Variants in APBB2 observed in about 807,000 individuals in gnomAD.
The protein encoded by APBB2 is amyloid beta precursor protein binding family B member 2.
APBB2 carries 38 observed loss-of-function variants against 82.5 expected under a neutral mutation model. That is an observed-to-expected ratio of 0.46 (90% CI 0.36 to 0.60). APBB2 has a LOEUF of 0.60. APBB2 is among the 20% of genes least tolerant of loss of function. The probability of loss-of-function intolerance (pLI) is 0.00; values close to 1 mark genes in which losing one functional copy is unlikely to be tolerated. For missense variants in APBB2, 772 were observed against 972.3 expected (o/e 0.79, Z 2.74); for synonymous variants, 341 against 368.2 (o/e 0.93, Z 0.85).
At chr4:40,827,067 G>A in intron 14 of APBB2, 65 bp downstream of exon 14, 1 of 1,434,170 alleles carries the variant, frequency 7.0e-7, no homozygotes, top group Non-Finnish European at 9.8e-7. Flanking sequence ...AACCATCTGA[G>A]AGCCTTCAGT....
intron 7 of APBB2, among the ~76,000 whole-genome samples, chr4:40,941,220 C>A (rs1460152443): frequency 2.0e-5 from 3 of 151,908 alleles, no homozygotes; most frequent in Non-Finnish European, 4.4e-5. Context: ...CAAGCTTCTT[C>A]TGTCCCTTAA....
intron 12 of APBB2, among the ~76,000 whole-genome samples, chr4:40,871,071 G>C (rs529304280): frequency 6.6e-6 from 1 of 152,008 alleles, no homozygotes; most frequent in East Asian, 2.0e-4. Context: ...GTCCCACTCA[G>C]GTAATCCAGG....
At chr4:40,990,084 T>C (rs2341572) in intron 6 of APBB2, 43,241 of 152,208 alleles carry the variant, frequency 0.28, 6,815 homozygotes, top group East Asian at 0.54. Flanking sequence ...CATCCATAGA[T>C]GACTGAATAA....
intron 1 of APBB2, among the ~76,000 whole-genome samples, chr4:41,144,758 G>T (rs1760219609): frequency 6.6e-6 from 1 of 152,206 alleles, no homozygotes; most frequent in African/African-American, 2.4e-5. Context: ...AACCATAGTT[G>T]TTTCCCTCCC....
At chr4:40,847,967 C>T (rs185599073) in intron 12 of APBB2, among the ~76,000 whole-genome samples, 10 of 152,086 alleles carry the variant, frequency 6.6e-5, no homozygotes, top group Admixed American at 6.5e-5. Flanking sequence ...CCATCATACC[C>T]GGCTAATTTT....
At chr4:40,913,896 T>C (rs916946303) in intron 10 of APBB2, among the ~76,000 whole-genome samples, 6 of 152,100 alleles carry the variant, frequency 3.9e-5, no homozygotes, top group Admixed American at 3.9e-4. Flanking sequence ...GGGTGAGTTA[T>C]GGTGCTGGTG....
At chr4:41,073,199 T>C (rs1027418019) in intron 3 of APBB2, among the ~76,000 whole-genome samples, 1 of 152,202 alleles carries the variant, frequency 6.6e-6, no homozygotes, top group Non-Finnish European at 1.5e-5. Flanking sequence ...AAAAAATATT[T>C]TTTACTTCAC....
Position 40,945,070 on chromosome 4 carries a change from T to C in APBB2, c.839A>G (p.Asp280Gly), listed in dbSNP as rs760695103. The C allele has an allele frequency of 3.4e-6, 4 of 1,190,288 alleles. No individual in the cohort carries two copies. In the South Asian group the frequency reaches 3.6e-5, roughly 11 times the overall value. 73.7% of individuals were successfully genotyped at this position (1,190,288 alleles called of 1,614,324 possible). A position where few individuals can be genotyped will look rare whatever the true frequency, so the allele number is the denominator to read the frequency against. ...CTGAAATGAGTGATCACTCCATATATCTGCTGAAAAATTGGGGGGCGGGGC... is the reference window on the plus strand; with the variant it reads ...CTGAAATGAGTGATCACTCCATATACCTGCTGAAAAATTGGGGGGCGGGGC... ...ASPSSPDETADIWSDHSFQTD... is the reference protein window; with the variant it reads ...ASPSSPDETAGIWSDHSFQTD... Residue 280 changes from aspartate to glycine, a missense_variant, in exon 7 of 18, where the codon GAT becomes GGT. Physicochemically the swap from Asp to Gly is moderately conservative, Grantham distance 94. Coordinates refer to ENST00000508593, the MANE Select transcript of APBB2 (RefSeq NM_004307.2).
intron 1 of APBB2, among the ~76,000 whole-genome samples, chr4:41,165,503 C>A (rs1766281803): frequency 6.6e-6 from 1 of 152,092 alleles, no homozygotes; most frequent in Non-Finnish European, 1.5e-5. Context: ...TTATCTCTTT[C>A]CTCTGTTTCC....
chr4:41,196,522 A>G, intron 1 of APBB2, among the ~76,000 whole-genome samples: 2 of 152,012 alleles, frequency 1.3e-5, no homozygotes, highest in African/African-American at 2.4e-5. Context: ...TTTTCAATTA[A>G]GCATCTCCCC....
At chr4:40,931,689 G>A (rs1181752781) in intron 10 of APBB2, among the ~76,000 whole-genome samples, 4 of 152,124 alleles carry the variant, frequency 2.6e-5, no homozygotes, top group Admixed American at 6.5e-5. Context: ...CAAATCTTGA[G>A]ATCTGAAAAG....
At chr4:40,921,733 T>C (rs1460751871) in intron 10 of APBB2, among the ~76,000 whole-genome samples, 1 of 152,232 alleles carries the variant, frequency 6.6e-6, no homozygotes, top group Non-Finnish European at 1.5e-5. Context: ...AGCTCGTAAC[T>C]GAAAAAAGCA....
intron 7 of APBB2, among the ~76,000 whole-genome samples, chr4:40,938,392 A>C (rs1189997043): frequency 6.6e-6 from 1 of 152,206 alleles, no homozygotes; most frequent in Non-Finnish European, 1.5e-5. Context: ...ACCACACGGA[A>C]GCTGTGTGAG....
chr4:40,984,498 T>C (rs371453728), intron 6 of APBB2, among the ~76,000 whole-genome samples: 5 of 151,954 alleles, frequency 3.3e-5, no homozygotes, highest in African/African-American at 1.2e-4. Context: ...GGGTGGGGGG[T>C]CAGGGAGGTC....
chr4:40,928,715 T>C (rs1253070707), intron 10 of APBB2, among the ~76,000 whole-genome samples: 1 of 151,646 alleles, frequency 6.6e-6, no homozygotes, highest in South Asian at 2.1e-4. Flanking sequence ...TGAAACCCTG[T>C]CTCTACTAAA....
intron 3 of APBB2, among the ~76,000 whole-genome samples, chr4:41,090,775 T>TTTAA (rs1741409192): frequency 6.6e-6 from 1 of 152,168 alleles, no homozygotes; most frequent in South Asian, 2.1e-4. Flanking sequence ...GTCACCTAAC[T>TTTAA]TATTAAAGAA....
intron 7 of APBB2, among the ~76,000 whole-genome samples, chr4:40,942,269 C>CCT (rs1197296516): frequency 2.0e-5 from 3 of 152,112 alleles, no homozygotes; most frequent in Admixed American, 1.3e-4. Flanking sequence ...GATATGAGTC[C>CCT]CTGTCTCTGA....
chr4:40,904,287 C>T (rs149976689), intron 10 of APBB2, among the ~76,000 whole-genome samples: 13,716 of 152,024 alleles, frequency 0.09, 764 homozygotes, highest in African/African-American at 0.14. Flanking sequence ...AAAAATTAGC[C>T]GGGCGTGGTG....
At chr4:40,930,460 CGCGCGCGT>C (rs766956500) in intron 10 of APBB2, among the ~76,000 whole-genome samples, 2,067 of 138,922 alleles carry the variant, frequency 0.015, 33 homozygotes, top group African/African-American at 0.053. Flanking sequence ...CGCGCGCGCG[CGCGCGCGT>C]GCGCGTGCGC....
Sources: allele counts gnomAD v4.1 joint callset (sites outside exome capture counted in the v4.1 genomes callset), GRCh38; gene constraint gnomAD v4.1.1; transcripts MANE v1.5; gene names NCBI Gene and HGNC (gene_info 2026-07-23, HGNC 2026-07-21).